Variants in VPS26A observed in about 807,000 individuals in gnomAD.
VPS26A encodes VPS26 retromer complex component A.
In VPS26A, 22 loss-of-function variants were observed where a neutral mutation model predicts 42.4. The ratio of observed to expected loss-of-function variants is 0.52; its 90% CI spans 0.37 to 0.74. The LOEUF is 0.74. Among genes scored for constraint, VPS26A ranks in the 30% least tolerant of loss-of-function variants. VPS26A has a pLI of 0.00. For synonymous variants in VPS26A, 110 were observed against 123.5 expected, an observed-to-expected ratio of 0.89 and a Z score of 0.73; for missense variants, 276 against 379.2, an observed-to-expected ratio of 0.73 and a Z score of 2.26.
intron 2 of VPS26A, chr10:69,133,657 GT>G (rs1159998489): frequency 1.6e-6 from 2 of 1,246,270 alleles, no homozygotes; most frequent in Non-Finnish European, 2.1e-6. Flanking sequence ...ACGGTTTTTT[GT>G]TTTGGGTTTT....
rs191844041 is a variant in VPS26A at position 69,165,038 on chromosome 10, C to A, written c.659-1004C>A. On this transcript the variant is annotated intron_variant, in intron 6 of 8. Transcript: ENST00000263559. ...TGCCTCCAGGGTTCAAGCAATTCTCCTGCCTCAGCCTCCTGAGTAGCTGGG... is the reference window on the plus strand; with the variant it reads ...TGCCTCCAGGGTTCAAGCAATTCTCATGCCTCAGCCTCCTGAGTAGCTGGG... 7.0e-3 allele frequency among the ~76,000 whole-genome samples: 1,070 copies of A among 152,040 alleles called. 11 individuals are homozygous for A. The highest frequency in any genetic ancestry group is 0.024 in the African/African-American group (1,014 of 41,494).
rs1395318754 is a variant in VPS26A at position 69,173,335 on chromosome 10, G to C, written c.*2066G>C. Among the ~76,000 whole-genome samples, 5 of 152,034 alleles carry C rather than the reference G, an allele frequency of 3.3e-5. No individual in the cohort carries two copies. The highest frequency in any genetic ancestry group is 1.2e-4 in the African/African-American group (5 of 41,388). On this transcript the variant is annotated 3_prime_UTR_variant, in exon 9 of 9. Transcript: ENST00000263559. The stretch of plus-strand genomic sequence containing the variant: ...AAGAATCTCAGAGACTGGGCCATAA[G>C]CATTAAAAACAAAACAACCTCAAAA...
Position 69,125,777 on chromosome 10 carries a change from TGA to T in VPS26A, c.3+1501_3+1502del, listed in dbSNP as rs1840637946. Among the ~76,000 whole-genome samples, 2 of 152,192 alleles carry T rather than the reference TGA, an allele frequency of 1.3e-5. 1 individual carries two copies. Among genetic ancestry groups the T allele is most frequent in the South Asian group, 4.1e-4 (2 of 4,830 alleles). On this transcript the variant is annotated intron_variant, in intron 1 of 8. Transcript: ENST00000263559. ...GTGTATGGGCTAAGTGAATGAATTTTGAGAGTCAGCCTTCCACCTCAGAAATG... is the reference window on the plus strand; with the variant it reads ...GTGTATGGGCTAAGTGAATGAATTTTGAGTCAGCCTTCCACCTCAGAAATG...
intron 5 of VPS26A, among the ~76,000 whole-genome samples, chr10:69,160,865 C>T (rs1031618572): frequency 3.3e-5 from 5 of 152,154 alleles, no homozygotes; most frequent in Admixed American, 2.0e-4. Context: ...TTACAAGGTA[C>T]GTGGGAGCGA....
chr10:69,153,046 G>GTT (rs1225536571), intron 2 of VPS26A, among the ~76,000 whole-genome samples: 7 of 137,112 alleles, frequency 5.1e-5, no homozygotes, highest in African/African-American at 8.0e-5. Context: ...ATGTTAAGTT[G>GTT]TTTTTTTTTT....
chr10:69,148,214 A>G (rs1051672199), intron 2 of VPS26A, among the ~76,000 whole-genome samples: 32 of 152,234 alleles, frequency 2.1e-4, no homozygotes, highest in Admixed American at 7.2e-4. Flanking sequence ...TTAGAAGTCA[A>G]TTTTCACTGT....
intron 1 of VPS26A, among the ~76,000 whole-genome samples, chr10:69,126,436 G>A (rs895025634): frequency 6.6e-6 from 1 of 151,944 alleles, no homozygotes; most frequent in South Asian, 2.1e-4. Context: ...TAGGTGTGGC[G>A]CACACCTGTA....
intron 7 of VPS26A, among the ~76,000 whole-genome samples, chr10:69,167,845 C>T (rs1184945045): frequency 6.7e-6 from 1 of 149,988 alleles, no homozygotes; most frequent in Non-Finnish European, 1.5e-5. Context: ...AAAAGAATGT[C>T]ATCATTCTGT....
intron 2 of VPS26A, among the ~76,000 whole-genome samples, chr10:69,142,691 CTTATT>C (rs1841069951): frequency 6.7e-6 from 1 of 149,862 alleles, no homozygotes; most frequent in Non-Finnish European, 1.5e-5. Context: ...ATTTGGCACA[CTTATT>C]TTAATATAAC....
intron 2 of VPS26A, among the ~76,000 whole-genome samples, chr10:69,142,244 T>C (rs561584553): frequency 1.3e-3 from 193 of 143,908 alleles, no homozygotes; most frequent in African/African-American, 4.7e-3. Context: ...GAGTGTAGTG[T>C]CATGATTACG....
At chr10:69,162,280 G>A in intron 5 of VPS26A, 126 bp from the exon 6 acceptor site, 1 of 515,106 alleles carries the variant, frequency 1.9e-6, no homozygotes, top group Non-Finnish European at 3.4e-6. Context: ...AAGAGCCACT[G>A]TGCCCAGCCT....
chr10:69,126,874 A>AT (rs1307240217), intron 1 of VPS26A, among the ~76,000 whole-genome samples: 2 of 37,726 alleles, frequency 5.3e-5, no homozygotes, highest in Non-Finnish European at 2.5e-4. Flanking sequence ...TTCCTCAGTT[A>AT]TTTTTTTCTT....
intron 5 of VPS26A, chr10:69,161,824 T>C (rs1405942504): frequency 1.5e-5 from 4 of 270,354 alleles, no homozygotes; most frequent in African/African-American, 9.0e-5. Context: ...TAGGCCATCA[T>C]GGATGAGGGT....
At chr10:69,170,149 C>T (rs972074203) in intron 8 of VPS26A, 9 of 152,086 alleles carry the variant, frequency 5.9e-5, no homozygotes, top group African/African-American at 2.2e-4. Context: ...CATGATCTGT[C>T]CTCCATGTTC....
chr10:69,168,662 C>T, intron 8 of VPS26A, 31 bp downstream of exon 8: 1 of 1,602,252 alleles, frequency 6.2e-7, no homozygotes, highest in South Asian at 1.1e-5. Flanking sequence ...GTATTATGTT[C>T]TGCGGCAGAT....
At chr10:69,130,611 T>G (rs1840753666) in intron 1 of VPS26A, among the ~76,000 whole-genome samples, 1 of 152,224 alleles carries the variant, frequency 6.6e-6, no homozygotes, top group South Asian at 2.1e-4. Flanking sequence ...TGATGAATTT[T>G]CACCAAGTGA....
chr10:69,157,976 T>C, intron 4 of VPS26A, 71 bp from the exon 5 acceptor site: 1 of 1,359,198 alleles, frequency 7.4e-7, no homozygotes, highest in East Asian at 2.6e-5. Context: ...TTGCAGTTAA[T>C]GTTTGCTGAT....
In VPS26A at chr10:69,149,730, TTTTG is replaced by T. The variant is rs1377233830; in HGVS notation, c.154-6078_154-6075del. Among the ~76,000 whole-genome samples the T allele has an allele frequency of 3.0e-3, 50 of 16,686 alleles. 4 individuals are homozygous for T. The highest frequency in any genetic ancestry group is 4.0e-3 in the African/African-American group (43 of 10,658). 10.9% of individuals were successfully genotyped at this position (16,686 alleles called of 152,430 possible). A position where few individuals can be genotyped will look rare whatever the true frequency, so the allele number is the denominator to read the frequency against. On this transcript the variant is annotated intron_variant, in intron 2 of 8. Transcript: ENST00000263559. Reference sequence around the variant, plus strand: ...ATGGAATGTTAACTTTCTTGGTGTTTTTTGTTTTTTTTTTTTTTTTTTTTTTTTT... The same window carrying T: ...ATGGAATGTTAACTTTCTTGGTGTTTTTTTTTTTTTTTTTTTTTTTTTTTT...
intron 5 of VPS26A, among the ~76,000 whole-genome samples, chr10:69,158,595 A>G (rs1158825947): frequency 1.3e-5 from 2 of 151,566 alleles, no homozygotes; most frequent in South Asian, 4.2e-4. Context: ...TCTTGGGGGG[A>G]GGGGGAAGGT....
Sources: gnomAD v4.1 joint callset for allele counts (sites outside exome capture counted in the v4.1 genomes callset) on GRCh38, gnomAD v4.1.1 for gene constraint, MANE v1.5 for transcripts, NCBI Gene and HGNC (gene_info 2026-07-23, HGNC 2026-07-21) for gene names.